The following MINDY4 variants were observed in gnomAD, a reference collection of about 807,000 sequenced individuals.
The protein encoded by MINDY4 is MINDY lysine 48 deubiquitinase 4, also known as probable ubiquitin carboxyl-terminal hydrolase MINDY-4.
MINDY4 carries 68 observed loss-of-function variants against 87.0 expected under a neutral mutation model. The ratio of observed to expected loss-of-function variants is 0.78; its 90% CI spans 0.64 to 0.96. The LOEUF is 0.96. Ranked by LOEUF, MINDY4 falls within the 40% of genes least tolerant of loss-of-function variation. The pLI is 0.00. For synonymous variants in MINDY4, 379 were observed against 363.2 expected (o/e 1.04, Z -0.50); for missense variants, 919 against 928.2 (o/e 0.99, Z 0.13).
chr7:30,892,055 C>G lies in MINDY4; in HGVS notation c.*50C>G. ...GGTCCACCACTCATCACCTCATCAC[C>G]GAGGATGACAGCTGAACCCCAAGCC... On this transcript the variant is annotated 3_prime_UTR_variant, in exon 18 of 18. Coordinates refer to ENST00000265299, the MANE Select transcript of MINDY4 (RefSeq NM_032222.3). 6.3e-7 allele frequency: 1 copy of G among 1,597,816 alleles called. No individual in the cohort carries two copies. The highest frequency in any genetic ancestry group is 1.1e-5 in the South Asian group (1 of 90,764).
At chr7:30,842,240 C>T (rs1031646534) in intron 9 of MINDY4, among the ~76,000 whole-genome samples, 1 of 152,214 alleles carries the variant, frequency 6.6e-6, no homozygotes, top group Admixed American at 6.5e-5. Context: ...TCTCTGCTTC[C>T]CCTCCCCTTT....
At chr7:30,777,246 AC>A (rs1786853664) in intron 1 of MINDY4, among the ~76,000 whole-genome samples, 1 of 152,094 alleles carries the variant, frequency 6.6e-6, no homozygotes. Context: ...TGTTAAATGT[AC>A]AGGGCTTGCT....
intron 13 of MINDY4, among the ~76,000 whole-genome samples, chr7:30,871,427 C>T (rs1790103210): frequency 1.3e-5 from 2 of 152,174 alleles, no homozygotes; most frequent in Admixed American, 1.3e-4. Flanking sequence ...GTCCTAATGG[C>T]AGGCTTCCTA....
chr7:30,833,028 T>C (rs1788754409), intron 6 of MINDY4, among the ~76,000 whole-genome samples: 1 of 152,200 alleles, frequency 6.6e-6, no homozygotes, highest in Admixed American at 6.5e-5. Flanking sequence ...TAGCATTGTG[T>C]TATATATCTC....
chr7:30,782,349 TG>T, intron 3 of MINDY4, 137 bp downstream of exon 3: 1 of 608,384 alleles, frequency 1.6e-6, no homozygotes. Context: ...TGTTTGTGTG[TG>T]TGTGTGTGTG....
At chr7:30,797,474 T>G (rs1487128009) in intron 5 of MINDY4, among the ~76,000 whole-genome samples, 2 of 152,136 alleles carry the variant, frequency 1.3e-5, no homozygotes, top group Non-Finnish European at 2.9e-5. Context: ...ACAGGGAACT[T>G]GCACTTTGAT....
chr7:30,891,654 C>T (rs1224759856), intron 17 of MINDY4, among the ~76,000 whole-genome samples: 1 of 152,158 alleles, frequency 6.6e-6, no homozygotes, highest in Non-Finnish European at 1.5e-5. Flanking sequence ...TCATTCATGT[C>T]AGTGGAGGGC....
intron 17 of MINDY4, among the ~76,000 whole-genome samples, chr7:30,883,612 C>T (rs1790538963): frequency 6.6e-6 from 1 of 152,158 alleles, no homozygotes; most frequent in Non-Finnish European, 1.5e-5. Context: ...TGAGTTGGGG[C>T]TCACCTCCTT....
In MINDY4 at chr7:30,889,826, CTT is replaced by C. The variant is rs147665114; in HGVS notation, c.2226-2130_2226-2129del. Among the ~76,000 whole-genome samples, 770 of 152,320 alleles carry C rather than the reference CTT, an allele frequency of 5.1e-3. 8 individuals are homozygous for C. Among genetic ancestry groups the C allele is most frequent in the African/African-American group, 0.018 (732 of 41,562 alleles). On this transcript the variant is annotated intron_variant, in intron 17 of 17. Coordinates refer to ENST00000265299, the MANE Select transcript of MINDY4 (RefSeq NM_032222.3). ...AACATGAAAGTGTTATCATATACCTCTTGTCACAGGTTAGACTGGGAATGGAT... is the reference window on the plus strand; with the variant it reads ...AACATGAAAGTGTTATCATATACCTCGTCACAGGTTAGACTGGGAATGGAT...
At chr7:30,842,807 C>T (rs552274662) in intron 9 of MINDY4, among the ~76,000 whole-genome samples, 1 of 152,272 alleles carries the variant, frequency 6.6e-6, no homozygotes, top group East Asian at 1.9e-4. Flanking sequence ...TCTTATTCCC[C>T]CTCAAATTGT....
At chr7:30,852,438 G>T in intron 11 of MINDY4, 159 bp downstream of exon 11, 1 of 918,266 alleles carries the variant, frequency 1.1e-6, no homozygotes, top group Non-Finnish European at 1.3e-6. Flanking sequence ...ACAGACGTGG[G>T]GTGGCTTTGG....
At chr7:30,782,580 A>G (rs1260089903) in intron 3 of MINDY4, among the ~76,000 whole-genome samples, 2 of 152,054 alleles carry the variant, frequency 1.3e-5, no homozygotes, top group African/African-American at 4.8e-5. Context: ...GTGTGCACAT[A>G]TAGTCCCAGC....
chr7:30,853,297 AT>A, intron 11 of MINDY4, 96 bp from the exon 12 acceptor site: 1 of 1,008,164 alleles, frequency 9.9e-7, no homozygotes, highest in Non-Finnish European at 1.5e-6. Flanking sequence ...CCCAAGTTGG[AT>A]TTTGTAGCTA....
chr7:30,773,931 G>T (rs969947136), intron 1 of MINDY4, among the ~76,000 whole-genome samples: 9 of 152,150 alleles, frequency 5.9e-5, no homozygotes, highest in African/African-American at 2.2e-4. Flanking sequence ...AACAGGTGCA[G>T]CTCTTTTGCG....
At chr7:30,884,452 G>C (rs1475690951) in intron 17 of MINDY4, among the ~76,000 whole-genome samples, 3 of 152,214 alleles carry the variant, frequency 2.0e-5, no homozygotes, top group African/African-American at 7.2e-5. Context: ...TCAAAATGAT[G>C]AGAGAAAGGC....
chr7:30,887,073 T>C (rs1051363348), intron 17 of MINDY4, among the ~76,000 whole-genome samples: 5 of 152,016 alleles, frequency 3.3e-5, no homozygotes, highest in African/African-American at 9.7e-5. Flanking sequence ...AAATTGAAAA[T>C]GTAATTCCAG....
intron 4 of MINDY4, 99 bp from the exon 5 acceptor site, chr7:30,791,066 G>A: frequency 2.6e-6 from 3 of 1,171,048 alleles, no homozygotes; most frequent in Non-Finnish European, 3.6e-6. Context: ...AGACATTCCT[G>A]GGAGAGACAT....
intron 2 of MINDY4, chr7:30,781,228 A>G (rs1317829282): frequency 6.6e-6 from 1 of 152,252 alleles, no homozygotes; most frequent in Admixed American, 6.5e-5. Context: ...GCCAGCCTGC[A>G]TATTGCTGCA....
intron 9 of MINDY4, among the ~76,000 whole-genome samples, chr7:30,849,284 C>G (rs1265680286): frequency 6.6e-6 from 1 of 152,146 alleles, no homozygotes; most frequent in East Asian, 1.9e-4. Context: ...GCAGAGAACC[C>G]CCTCCTCTGT....
Sources: allele counts gnomAD v4.1 joint callset (sites outside exome capture counted in the v4.1 genomes callset), GRCh38; gene constraint gnomAD v4.1.1; transcripts MANE v1.5; gene names NCBI Gene and HGNC (gene_info 2026-07-23, HGNC 2026-07-21).